DAB1: variants seen among roughly 807,000 people sequenced by gnomAD.
DAB1 encodes the protein disabled homolog 1.
Under a neutral mutation model 64.6 loss-of-function variants are expected in DAB1, and 15 were observed. The observed-to-expected ratio is 0.23, with a 90% CI of 0.16 to 0.36. The LOEUF is 0.36. DAB1 is among the 10% of genes least tolerant of loss of function. The pLI is 1.00. For synonymous variants in DAB1, 235 were observed against 251.9 expected (o/e 0.93, Z 0.64); for missense variants, 596 against 706.7 (o/e 0.84, Z 1.78).
intron 6 of DAB1, among the ~76,000 whole-genome samples, chr1:57,807,098 T>C (rs767273394): frequency 2.4e-4 from 36 of 152,218 alleles, no homozygotes; most frequent in Non-Finnish European, 2.2e-4. Context: ...CACTAGCTCC[T>C]AACTGGCCTT....
intron 7 of DAB1, among the ~76,000 whole-genome samples, chr1:57,555,908 A>G (rs944524310): frequency 6.6e-6 from 1 of 151,836 alleles, no homozygotes; most frequent in African/African-American, 2.4e-5. Context: ...TTTAAAAATG[A>G]CCCCTTTTTC....
chr1:58,238,188 T>C (rs563215046), intron 4 of DAB1, among the ~76,000 whole-genome samples: 3 of 152,320 alleles, frequency 2.0e-5, no homozygotes, highest in East Asian at 1.9e-4. Context: ...AGCAGTAGGA[T>C]AGACCAAGGG....
intron 3 of DAB1, among the ~76,000 whole-genome samples, chr1:58,393,099 C>T (rs919970791): frequency 6.6e-6 from 1 of 150,934 alleles, no homozygotes; most frequent in African/African-American, 2.4e-5. Flanking sequence ...TAGCTACATA[C>T]CATGCTATTT....
At chr1:58,132,028 T>C (rs1296097078) in intron 5 of DAB1, among the ~76,000 whole-genome samples, 1 of 152,152 alleles carries the variant, frequency 6.6e-6, no homozygotes, top group Non-Finnish European at 1.5e-5. Context: ...TAATCAAGCC[T>C]GGGCAATGGC....
intron 9 of DAB1, among the ~76,000 whole-genome samples, chr1:57,034,278 CAAA>C (rs375684000): frequency 7.5e-5 from 9 of 119,260 alleles, no homozygotes; most frequent in South Asian, 5.7e-4. Context: ...GACTCCATTT[CAAA>C]AAAAAAAAAA....
chr1:57,695,909 C>CA (rs897161948), intron 6 of DAB1, among the ~76,000 whole-genome samples: 3 of 151,714 alleles, frequency 2.0e-5, no homozygotes, highest in African/African-American at 4.8e-5. Flanking sequence ...TCAAACAAAA[C>CA]AAAAAAAGGC....
chr1:58,194,629 A>C (rs865852420), intron 4 of DAB1, among the ~76,000 whole-genome samples: 4 of 152,290 alleles, frequency 2.6e-5, no homozygotes, highest in Middle Eastern at 3.4e-3. Flanking sequence ...ACCTAAATCC[A>C]CTCTACTGCT....
chr1:58,229,746 T>G (rs964830444), intron 4 of DAB1, among the ~76,000 whole-genome samples: 1 of 152,106 alleles, frequency 6.6e-6, no homozygotes. Flanking sequence ...AGCTTTTAAT[T>G]TTACAGATGT....
chr1:58,385,537 C>T (rs1644426226), intron 3 of DAB1, among the ~76,000 whole-genome samples: 1 of 152,212 alleles, frequency 6.6e-6, no homozygotes, highest in South Asian at 2.1e-4. Context: ...TATCCAAAAC[C>T]TAGCCTATTC....
intron 4 of DAB1, among the ~76,000 whole-genome samples, chr1:58,162,662 AG>A (rs1482065962): frequency 6.6e-6 from 1 of 152,194 alleles, no homozygotes; most frequent in African/African-American, 2.4e-5. Flanking sequence ...ATTCTGTTAC[AG>A]AAATCTTTTA....
intron 4 of DAB1, among the ~76,000 whole-genome samples, chr1:57,104,297 C>CA: frequency 6.6e-6 from 1 of 151,636 alleles, no homozygotes; most frequent in South Asian, 2.1e-4. Context: ...ACAAGTGGCC[C>CA]AAAGCAGGCA....
intron 5 of DAB1, among the ~76,000 whole-genome samples, chr1:58,047,561 G>A (rs1647320820): frequency 6.6e-6 from 1 of 152,178 alleles, no homozygotes; most frequent in Non-Finnish European, 1.5e-5. Context: ...CTCATTGAAA[G>A]CATAGATACT....
intron 2 of DAB1, among the ~76,000 whole-genome samples, chr1:57,257,184 G>T (rs1669828318): frequency 6.6e-6 from 1 of 152,140 alleles, no homozygotes; most frequent in Non-Finnish European, 1.5e-5. Flanking sequence ...GCCTTCCCCA[G>T]CACACAGGCC....
chr1:57,755,934 C>CTT (rs1648784556), intron 6 of DAB1, among the ~76,000 whole-genome samples: 1 of 152,110 alleles, frequency 6.6e-6, no homozygotes, highest in African/African-American at 2.4e-5. Context: ...GGAGTAAATA[C>CTT]TTTAGCTTTG....
chr1:58,186,521 CTT>C (rs753143290), intron 4 of DAB1, among the ~76,000 whole-genome samples: 19 of 152,118 alleles, frequency 1.2e-4, no homozygotes, highest in Admixed American at 2.6e-4. Context: ...TGTTCAATAA[CTT>C]TTTTTTCTTT....
intron 7 of DAB1, among the ~76,000 whole-genome samples, chr1:57,469,549 T>G (rs1475953699): frequency 6.6e-6 from 1 of 152,184 alleles, no homozygotes; most frequent in African/African-American, 2.4e-5. Context: ...TGCACTCTCC[T>G]TGTTTCTTCA....
At chr1:58,022,912 C>T (rs1028626683) in intron 5 of DAB1, among the ~76,000 whole-genome samples, 8 of 151,972 alleles carry the variant, frequency 5.3e-5, no homozygotes, top group African/African-American at 1.9e-4. Context: ...GAGTAAGATC[C>T]CTTTTGTCTT....
Position 57,665,817 on chromosome 1 carries a change from G to GT in DAB1, n.552-16153dup, listed in dbSNP as rs539876405. The stretch of plus-strand genomic sequence containing the variant: ...GTGTTGTTTTTGGGTTACAGGATTG[G>GT]TTTTTTTTTTCTTCCCTTTTTTTTT... On this transcript the variant is annotated intron_variant and non_coding_transcript_variant, in intron 6 of 20. Transcript: ENST00000485760. Among the ~76,000 whole-genome samples, 38 of 139,094 alleles carry GT rather than the reference G, an allele frequency of 2.7e-4. No individual in the cohort carries two copies. The East Asian group carries it at 3.0e-3, about 11-fold the overall frequency. 91.3% of individuals were successfully genotyped at this position (139,094 alleles called of 152,430 possible).
intron 3 of DAB1, among the ~76,000 whole-genome samples, chr1:58,449,169 C>A (rs918990031): frequency 2.0e-5 from 3 of 152,260 alleles, no homozygotes; most frequent in African/African-American, 7.2e-5. Context: ...AGGACCTGCA[C>A]GTATCGCGGG....
Sources: gnomAD v4.1 joint callset for allele counts (sites outside exome capture counted in the v4.1 genomes callset) on GRCh38, gnomAD v4.1.1 for gene constraint, MANE v1.5 for transcripts, NCBI Gene and HGNC (gene_info 2026-07-23, HGNC 2026-07-21) for gene names.